AGAP1: variants seen among roughly 807,000 people sequenced by gnomAD.
The protein encoded by AGAP1 is arf-GAP with GTPase, ANK repeat and PH domain-containing protein 1.
AGAP1 carries 29 observed loss-of-function variants against 105.3 expected under a neutral mutation model. That is an observed-to-expected ratio of 0.28 (90% confidence interval 0.21 to 0.38). The LOEUF is 0.38. Ranked by LOEUF, AGAP1 falls within the 10% of genes least tolerant of loss-of-function variation. AGAP1 has a pLI of 1.00. For synonymous variants in AGAP1, 509 were observed against 485.9 expected (o/e 1.05, Z -0.63); for missense variants, 998 against 1,165.1 (o/e 0.86, Z 2.09).
rs143203643 is a variant in AGAP1 at position 235,977,435 on chromosome 2, C to G, written c.1645+8812C>G. Among the ~76,000 whole-genome samples, 241 of 152,240 alleles carry G rather than the reference C, an allele frequency of 1.6e-3. 1 individual carries two copies. Among genetic ancestry groups the G allele is most frequent in the African/African-American group, 5.5e-3 (228 of 41,538 alleles). On this transcript the variant is annotated intron_variant, in intron 13 of 17. Transcript: ENST00000304032. The surrounding 1 kb of genome is among the most constrained non-coding windows in gnomAD (Gnocchi z 5.2). ...TATTCTAAATCCTCATCTACTCTTT[C>G]TACTTTCCTCAGCTGCATGTATTTT...
At chr2:235,497,508 C>G (rs921037627) in intron 1 of AGAP1, among the ~76,000 whole-genome samples, 4 of 152,234 alleles carry the variant, frequency 2.6e-5, no homozygotes. Flanking sequence ...TAGAAGATTT[C>G]CAGCTAGGGA....
chr2:235,718,384 T>G, intron 3 of AGAP1: 4 of 985,796 alleles, frequency 4.1e-6, no homozygotes, highest in Non-Finnish European at 4.8e-6. Flanking sequence ...TTTGCAGATA[T>G]GGATGCAGGT....
rs187690924 is a variant in AGAP1, at chr2:235,960,888, G to A, written c.1484-7574G>A. Among the ~76,000 whole-genome samples the A allele has an allele frequency of 1.2e-3, 180 of 152,320 alleles. 1 individual carries two copies. Among genetic ancestry groups the A allele is most frequent in the African/African-American group, 4.2e-3 (173 of 41,564 alleles). ...TGGAAACTCATAGGACAGTGGTTTG[G>A]CACAAAAGCGTGCTTGTGGCTGGTT... is the stretch of plus-strand genomic sequence containing the variant. On this transcript the variant is annotated intron_variant, in intron 12 of 17. Transcript: ENST00000304032. This position sits in a 1 kb window ranked among gnomAD's most constrained non-coding sequence, Gnocchi z 4.9.
In AGAP1 at chr2:236,119,826, C is replaced by T. The variant is rs1033341758; in HGVS notation, c.2115-366C>T. 2.0e-5 allele frequency among the ~76,000 whole-genome samples: 3 copies of T among 152,168 alleles called. No homozygotes were observed. The highest frequency in any genetic ancestry group is 3.9e-4 in the East Asian group (2 of 5,176). On this transcript the variant is annotated intron_variant, in intron 16 of 17. Coordinates refer to ENST00000304032, the MANE Select transcript of AGAP1 (RefSeq NM_001037131.3). This position sits in a 1 kb window ranked among gnomAD's most constrained non-coding sequence, Gnocchi z 6.6. Reference sequence around the variant, plus strand: ...CACTTGGTAGTTTTCTTTCCAAGGACAGCTTCTACACTAAAAGTGACAGAA... The same window carrying T: ...CACTTGGTAGTTTTCTTTCCAAGGATAGCTTCTACACTAAAAGTGACAGAA...
chr2:235,506,540 G>A (rs1179769767), intron 1 of AGAP1, among the ~76,000 whole-genome samples: 1 of 152,032 alleles, frequency 6.6e-6, no homozygotes, highest in Non-Finnish European at 1.5e-5. Context: ...AAATTGAACT[G>A]TGATGACTAT....
chr2:236,019,560 G>A (rs946914764), intron 13 of AGAP1, among the ~76,000 whole-genome samples: 1 of 152,222 alleles, frequency 6.6e-6, no homozygotes, highest in African/African-American at 2.4e-5. Flanking sequence ...CCGAGCCTGG[G>A]AGAAGGGCAG....
At chr2:235,780,723 T>C (rs1250425582) in intron 6 of AGAP1, among the ~76,000 whole-genome samples, 1 of 152,200 alleles carries the variant, frequency 6.6e-6, no homozygotes, top group Non-Finnish European at 1.5e-5. Flanking sequence ...GGGGAAAAAT[T>C]ACTTCAAGTA....
At position 235,875,105 on chromosome 2, in the gene AGAP1, C is replaced by G. The variant is rs1212958451; in HGVS notation, c.1051-8240C>G. ...TGGGATGGAGAGAGCCCTGTCACCCCCTCTCCCCCATCTGCCCTTGCTGCA... is the reference window on the plus strand; with the variant it reads ...TGGGATGGAGAGAGCCCTGTCACCCGCTCTCCCCCATCTGCCCTTGCTGCA... On this transcript the variant is annotated intron_variant, in intron 9 of 17. Transcript: ENST00000304032. This position sits in a 1 kb window ranked among gnomAD's most constrained non-coding sequence, Gnocchi z 4.0. Among the ~76,000 whole-genome samples, 10 of 152,108 alleles carry G rather than the reference C, an allele frequency of 6.6e-5. No individual in the cohort carries two copies. The highest frequency in any genetic ancestry group is 2.4e-4 in the African/African-American group (10 of 41,398).
chr2:236,047,102 C>G (rs982253498), intron 15 of AGAP1, among the ~76,000 whole-genome samples: 8 of 150,874 alleles, frequency 5.3e-5, no homozygotes, highest in African/African-American at 1.9e-4. Flanking sequence ...ACAAGAGACC[C>G]TATCTCAAAA....
intron 11 of AGAP1, among the ~76,000 whole-genome samples, chr2:235,912,785 TTGCTAA>T (rs1212498310): frequency 6.6e-6 from 1 of 152,240 alleles, no homozygotes; most frequent in Non-Finnish European, 1.5e-5. Flanking sequence ...CCTCACACAC[TTGCTAA>T]TGCTATTAAT....
At position 235,893,401 on chromosome 2, in the gene AGAP1, A is replaced by G. The variant is rs1309283527; in HGVS notation, c.1155+9952A>G. ...TGTGCTGTGTCTGTGGCGTGGGTGT[A>G]GCGTGTCTTTGGTGTGGGTGTGCCG... On this transcript the variant is annotated intron_variant, in intron 10 of 17. Coordinates refer to ENST00000304032, the MANE Select transcript of AGAP1 (RefSeq NM_001037131.3). The surrounding 1 kb of genome is among the most constrained non-coding windows in gnomAD (Gnocchi z 4.7). Among the ~76,000 whole-genome samples, 8 of 121,900 alleles carry G rather than the reference A, an allele frequency of 6.6e-5. No homozygotes were observed. The highest frequency in any genetic ancestry group is 1.3e-4 in the African/African-American group (4 of 30,580). 80.0% of individuals were successfully genotyped at this position (121,900 alleles called of 152,430 possible). A position where few individuals can be genotyped will look rare whatever the true frequency, so the allele number is the denominator to read the frequency against.
At chr2:236,043,193 A>G (rs766697803) in intron 15 of AGAP1, among the ~76,000 whole-genome samples, 3 of 152,224 alleles carry the variant, frequency 2.0e-5, no homozygotes, top group Non-Finnish European at 2.9e-5. Context: ...AAACACCTCC[A>G]TGGGGCCTTT....
intron 16 of AGAP1, among the ~76,000 whole-genome samples, chr2:236,093,573 T>A (rs915082617): frequency 1.3e-5 from 2 of 151,924 alleles, no homozygotes; most frequent in Non-Finnish European, 2.9e-5. Flanking sequence ...AAGAGTAGGG[T>A]TTGGAAGGGA....
chr2:235,495,900 A>G (rs964068091), intron 1 of AGAP1, among the ~76,000 whole-genome samples: 11 of 152,156 alleles, frequency 7.2e-5, no homozygotes, highest in African/African-American at 2.7e-4. Context: ...TGGCTTGTCC[A>G]TAATACAGAC....
At position 236,009,722 on chromosome 2, in the gene AGAP1, C is replaced by T. The variant is rs1197759415; in HGVS notation, c.1646-26839C>T. ...ATCCTATTAGTTCTCATAATTGATT[C>T]TGAGGGCTGCAGCGTGCCTCATTTA... On this transcript the variant is annotated intron_variant, in intron 13 of 17. Transcript: ENST00000304032. The surrounding 1 kb of genome is among the most constrained non-coding windows in gnomAD (Gnocchi z 4.2). Among the ~76,000 whole-genome samples the T allele has an allele frequency of 6.6e-6, 1 of 152,186 alleles. No individual in the cohort carries two copies. The highest frequency in any genetic ancestry group is 1.5e-5 in the Non-Finnish European group (1 of 68,036).
At chr2:236,049,480 T>G in intron 16 of AGAP1, 199 bp downstream of exon 16, 1 of 519,002 alleles carries the variant, frequency 1.9e-6, no homozygotes, top group Non-Finnish European at 3.4e-6. Context: ...CCTTAATTTT[T>G]TATGTTTGTT....
chr2:235,853,878 C>T (rs576924739), intron 9 of AGAP1, among the ~76,000 whole-genome samples: 3 of 152,032 alleles, frequency 2.0e-5, no homozygotes, highest in East Asian at 1.9e-4. Context: ...AGTACTGTTA[C>T]TAGCGACAGT....
chr2:236,050,434 T>A lies in AGAP1; in HGVS notation c.2114+1153T>A, dbSNP rs530893810. 9.2e-5 allele frequency among the ~76,000 whole-genome samples: 14 copies of A among 152,346 alleles called. No individual in the cohort carries two copies. The South Asian group carries it at 1.7e-3, about 18-fold the overall frequency. On this transcript the variant is annotated intron_variant, in intron 16 of 17. Transcript: ENST00000304032. The surrounding 1 kb of genome is among the most constrained non-coding windows in gnomAD (Gnocchi z 4.0). ...AATTGCATGGTTTTGATACGCGACC[T>A]CTTTATGAGTTATGCTCTATAGTGT...
In AGAP1 at chr2:235,611,100, C is replaced by T. The variant is rs2149254022; in HGVS notation, c.164-98079C>T. Among the ~76,000 whole-genome samples, 1 of 151,906 alleles carries T rather than the reference C, an allele frequency of 6.6e-6. No homozygotes were observed. The highest frequency in any genetic ancestry group is 2.1e-4 in the South Asian group (1 of 4,828). ...TGGATGGGCTAGTGTGTTGACCTTC[C>T]ACTGCCCCGAGGGGAGGACTCTGCC... is the stretch of plus-strand genomic sequence containing the variant. On this transcript the variant is annotated intron_variant, in intron 1 of 17. Transcript: ENST00000304032. This position sits in a 1 kb window ranked among gnomAD's most constrained non-coding sequence, Gnocchi z 5.0.
Sources: allele counts gnomAD v4.1 joint callset (sites outside exome capture counted in the v4.1 genomes callset), GRCh38; gene constraint gnomAD v4.1.1; non-coding constraint Gnocchi (gnomAD v3.1); transcripts MANE v1.5; gene names NCBI Gene and HGNC (gene_info 2026-07-23, HGNC 2026-07-21).